BNC2: variants seen among roughly 807,000 people sequenced by gnomAD.
BNC2 encodes the protein zinc finger protein basonuclin-2.
BNC2 carries 20 observed loss-of-function variants against 76.3 expected under a neutral mutation model. The observed-to-expected ratio is 0.26, with a 90% confidence interval of 0.18 to 0.38. BNC2 has a LOEUF of 0.38. BNC2 is among the 10% of genes least tolerant of loss of function. The pLI, the probability that BNC2 is intolerant of heterozygous loss-of-function variation, is 1.00. For missense variants in BNC2, 1,382 were observed against 1,399.8 expected, an observed-to-expected ratio of 0.99 and a Z score of 0.20; for synonymous variants, 582 against 514.8, an observed-to-expected ratio of 1.13 and a Z score of -1.77.
intron 1 of BNC2, among the ~76,000 whole-genome samples, chr9:16,812,309 G>T (rs1348819692): frequency 6.6e-6 from 1 of 152,182 alleles, no homozygotes; most frequent in African/African-American, 2.4e-5. Flanking sequence ...CAAAACCAGG[G>T]AATATTATCC....
chr9:16,459,669 C>T (rs1821531992), intron 5 of BNC2, among the ~76,000 whole-genome samples: 1 of 152,184 alleles, frequency 6.6e-6, no homozygotes, highest in African/African-American at 2.4e-5. Flanking sequence ...ACAGCAGCTG[C>T]ACTGCCATAC....
At chr9:16,830,114 C>T (rs376843980) in intron 1 of BNC2, among the ~76,000 whole-genome samples, 15 of 152,190 alleles carry the variant, frequency 9.9e-5, no homozygotes, top group East Asian at 3.8e-4. Flanking sequence ...TTTGAAACAA[C>T]ATATTCCATA....
intron 5 of BNC2, among the ~76,000 whole-genome samples, chr9:16,539,011 G>A (rs116638333): frequency 3.3e-5 from 5 of 151,872 alleles, no homozygotes; most frequent in African/African-American, 1.2e-4. Flanking sequence ...GAGGGGCATG[G>A]TGTCTGTCTG....
intron 6 of BNC2, chr9:16,430,109 T>C (rs1820879363): frequency 2.3e-6 from 1 of 442,564 alleles, no homozygotes; most frequent in South Asian, 1.6e-5. Flanking sequence ...GTATTTTGTG[T>C]GTTTGCTTCT....
chr9:16,604,951 T>A (rs1820341683), intron 3 of BNC2, among the ~76,000 whole-genome samples: 1 of 152,216 alleles, frequency 6.6e-6, no homozygotes, highest in South Asian at 2.1e-4. Context: ...TTAGTAAAGC[T>A]AATAAGGCTA....
chr9:16,654,847 C>G (rs1821883643), intron 3 of BNC2, among the ~76,000 whole-genome samples: 1 of 152,120 alleles, frequency 6.6e-6, no homozygotes, highest in Non-Finnish European at 1.5e-5. Context: ...TCAGACACCT[C>G]TTAATGCAGG....
intron 2 of BNC2, among the ~76,000 whole-genome samples, chr9:16,733,794 G>A (rs973561536): frequency 1.3e-5 from 2 of 151,546 alleles, no homozygotes; most frequent in African/African-American, 4.9e-5. Flanking sequence ...TGAGGCAAAA[G>A]AATCGCTTGA....
chr9:16,677,001 C>T (rs1056446608), intron 3 of BNC2, among the ~76,000 whole-genome samples: 32 of 152,008 alleles, frequency 2.1e-4, no homozygotes, highest in African/African-American at 7.0e-4. Context: ...TCTTTAGATT[C>T]CTTATTTTAG....
At chr9:16,721,614 A>C (rs1007323800) in intron 3 of BNC2, among the ~76,000 whole-genome samples, 1 of 152,188 alleles carries the variant, frequency 6.6e-6, no homozygotes, top group Non-Finnish European at 1.5e-5. Flanking sequence ...AGGATTTTCA[A>C]ATGGCGAATT....
chr9:16,853,845 G>A (rs866161561), intron 1 of BNC2, among the ~76,000 whole-genome samples: 32 of 152,320 alleles, frequency 2.1e-4, no homozygotes, highest in Admixed American at 7.8e-4. Context: ...TCTAGCCTGA[G>A]CAATAGAGGG....
chr9:16,510,628 G>T (rs1209704244), intron 5 of BNC2, among the ~76,000 whole-genome samples: 3 of 152,182 alleles, frequency 2.0e-5, no homozygotes, highest in African/African-American at 4.8e-5. Flanking sequence ...GAAATCAACA[G>T]ATAAGCCTTT....
intron 1 of BNC2, among the ~76,000 whole-genome samples, chr9:16,824,285 T>C (rs1171462542): frequency 1.3e-5 from 2 of 152,174 alleles, no homozygotes; most frequent in East Asian, 3.8e-4. Context: ...CATTTTATGA[T>C]ACAACACACA....
At position 16,850,375 on chromosome 9, in the gene BNC2, G is replaced by A. The variant is rs141869657; in HGVS notation, c.3+20271C>T. 3.5e-3 allele frequency among the ~76,000 whole-genome samples: 540 copies of A among 152,274 alleles called. 5 individuals carry two copies. The highest frequency in any genetic ancestry group is 0.012 in the African/African-American group (507 of 41,554). On this transcript the variant is annotated intron_variant, in intron 1 of 6. Coordinates refer to ENST00000380672, the MANE Select transcript of BNC2 (RefSeq NM_017637.6). Reference sequence around the variant, plus strand: ...AAAATATGATACCAATTCTTATATAGTGAAATGGCTTTTTATAGATTTAAA... The same window carrying A: ...AAAATATGATACCAATTCTTATATAATGAAATGGCTTTTTATAGATTTAAA...
At chr9:16,797,634 G>A (rs1454035852) in intron 1 of BNC2, among the ~76,000 whole-genome samples, 1 of 152,052 alleles carries the variant, frequency 6.6e-6, no homozygotes, top group Non-Finnish European at 1.5e-5. Flanking sequence ...GCTAAAGTTT[G>A]GCAACTTAAA....
At chr9:16,570,694 C>A (rs1819297700) in intron 4 of BNC2, among the ~76,000 whole-genome samples, 1 of 152,116 alleles carries the variant, frequency 6.6e-6, no homozygotes. Context: ...ATGTGATCAA[C>A]ATATCATTGA....
chr9:16,471,292 ATTTTTTT>A (rs34169220), intron 5 of BNC2, among the ~76,000 whole-genome samples: 1 of 133,740 alleles, frequency 7.5e-6, no homozygotes, highest in South Asian at 2.4e-4. Context: ...CTTGCTTTTG[ATTTTTTT>A]TTTTTTTTTT....
chr9:16,818,319 G>C (rs368420301), intron 1 of BNC2, among the ~76,000 whole-genome samples: 1 of 152,164 alleles, frequency 6.6e-6, no homozygotes, highest in African/African-American at 2.4e-5. Flanking sequence ...CAGGAGAATG[G>C]CGTGAACCTT....
At chr9:16,791,993 T>C (rs1026265880) in intron 1 of BNC2, among the ~76,000 whole-genome samples, 18 of 151,462 alleles carry the variant, frequency 1.2e-4, no homozygotes, top group Non-Finnish European at 1.9e-4. Context: ...TCCCAACTAC[T>C]TGGGAGGTGA....
At chr9:16,655,866 T>TG in intron 3 of BNC2, among the ~76,000 whole-genome samples, 1 of 152,314 alleles carries the variant, frequency 6.6e-6, no homozygotes, top group South Asian at 2.1e-4. Flanking sequence ...ACGTGCTGAC[T>TG]GGGGGCCACT....
Sources: allele counts gnomAD v4.1 joint callset (sites outside exome capture counted in the v4.1 genomes callset), GRCh38; gene constraint gnomAD v4.1.1; transcripts MANE v1.5; gene names NCBI Gene and HGNC (gene_info 2026-07-23, HGNC 2026-07-21).